Variants in ANO2 observed in about 807,000 individuals in gnomAD.
ANO2 encodes the protein anoctamin 2.
In ANO2, 101 loss-of-function variants were observed where a neutral mutation model predicts 124.2. The ratio of observed to expected loss-of-function variants is 0.81; its 90% CI spans 0.69 to 0.96. ANO2 has a LOEUF of 0.96. Among genes scored for constraint, ANO2 ranks in the 40% least tolerant of loss-of-function variants. ANO2 has a pLI of 0.00. For missense variants in ANO2, 1,293 were observed against 1,274.5 expected (o/e 1.01, Z -0.22); for synonymous variants, 486 against 482.5 (o/e 1.01, Z -0.09).
At chr12:5,885,985 A>G (rs1938867724) in intron 3 of ANO2, among the ~76,000 whole-genome samples, 2 of 152,344 alleles carry the variant, frequency 1.3e-5, no homozygotes, top group Middle Eastern at 6.8e-3. Context: ...CCTACTGCCA[A>G]TGATGCCCAG....
rs60128304 is a variant in ANO2, at chr12:5,635,599, TCA to T, written c.1621-254_1621-253del. Among the ~76,000 whole-genome samples, 695 of 146,846 alleles carry T rather than the reference TCA, an allele frequency of 4.7e-3. 3 individuals are homozygous for T. Among genetic ancestry groups the T allele is most frequent in the African/African-American group, 0.015 (608 of 39,560 alleles). On this transcript the variant is annotated intron_variant, in intron 15 of 24. Transcript: ENST00000682330. The surrounding 1 kb of genome is among the most constrained non-coding windows in gnomAD (Gnocchi z 5.2). ...TTTTTGTCAGATTCCAAATGATTTA[TCA>T]CACACACACACACACACACACACAC...
At chr12:5,606,134 G>T (rs1053673780) in intron 19 of ANO2, among the ~76,000 whole-genome samples, 2 of 152,160 alleles carry the variant, frequency 1.3e-5, no homozygotes, top group Admixed American at 6.5e-5. Flanking sequence ...GCAATGATGG[G>T]GGCGGCTGCT....
chr12:5,757,375 T>C (rs1300269322), intron 10 of ANO2, among the ~76,000 whole-genome samples: 3 of 152,238 alleles, frequency 2.0e-5, no homozygotes, highest in Non-Finnish European at 4.4e-5. Context: ...ATAAAGTTTG[T>C]AAATTACCAG....
chr12:5,688,089 CA>C (rs1455004818), intron 14 of ANO2, among the ~76,000 whole-genome samples: 1 of 152,192 alleles, frequency 6.6e-6, no homozygotes, highest in Non-Finnish European at 1.5e-5. Context: ...GTTCCTAGTT[CA>C]GTCTTTAAGA....
chr12:5,618,332 T>C (rs1944940585), intron 16 of ANO2, among the ~76,000 whole-genome samples: 1 of 152,122 alleles, frequency 6.6e-6, no homozygotes. Context: ...ACCTCCAGCG[T>C]GGGCCAATGG....
intron 14 of ANO2, among the ~76,000 whole-genome samples, chr12:5,650,674 T>C (rs1946874832): frequency 6.6e-6 from 1 of 152,230 alleles, no homozygotes; most frequent in South Asian, 2.1e-4. Context: ...TTAATTTAAA[T>C]ATACTCTGCT....
chr12:5,844,713 A>G (rs1954624858), intron 4 of ANO2, among the ~76,000 whole-genome samples: 1 of 152,160 alleles, frequency 6.6e-6, no homozygotes, highest in Non-Finnish European at 1.5e-5. Context: ...CTCCCAGACC[A>G]GGATTCTTTA....
chr12:5,657,195 GAC>G (rs1468249788), intron 14 of ANO2, among the ~76,000 whole-genome samples: 1 of 152,208 alleles, frequency 6.6e-6, no homozygotes, highest in African/African-American at 2.4e-5. Flanking sequence ...TTTAGAGATT[GAC>G]TTGATGGGGG....
chr12:5,599,445 A>G, intron 20 of ANO2, 39 bp downstream of exon 20: 1 of 1,576,350 alleles, frequency 6.3e-7, no homozygotes. Flanking sequence ...CCCTTGTCTG[A>G]ACCTGCCCCC....
chr12:5,867,566 C>T (rs1955459651), intron 3 of ANO2, among the ~76,000 whole-genome samples: 1 of 152,166 alleles, frequency 6.6e-6, no homozygotes, highest in Admixed American at 6.5e-5. Flanking sequence ...CTGCCCCGCA[C>T]ATCTGTCCGA....
chr12:5,650,351 C>T (rs1421898573), intron 14 of ANO2, among the ~76,000 whole-genome samples: 2 of 152,208 alleles, frequency 1.3e-5, no homozygotes, highest in Non-Finnish European at 1.5e-5. Context: ...AAAAAATGCT[C>T]ATTTTGATAT....
chr12:5,730,125 T>C lies in ANO2; in HGVS notation c.1545+2395A>G, dbSNP rs141832297. Among the ~76,000 whole-genome samples, 756 of 152,182 alleles carry C rather than the reference T, an allele frequency of 5.0e-3. 7 individuals carry two copies. The highest frequency in any genetic ancestry group is 0.016 in the African/African-American group (670 of 41,514). On this transcript the variant is annotated intron_variant, in intron 14 of 24. Transcript: ENST00000682330. ...ATATATGCATATTGAATTGTGCATA[T>C]ATAAAAATATGCATATTGAATTGTG... is the stretch of plus-strand genomic sequence containing the variant.
At chr12:5,603,030 G>A (rs554290475) in intron 19 of ANO2, among the ~76,000 whole-genome samples, 1 of 152,282 alleles carries the variant, frequency 6.6e-6, no homozygotes, top group East Asian at 1.9e-4. Flanking sequence ...GAAGCTCCTG[G>A]AGGATGAATT....
At chr12:5,669,061 T>C (rs1312558270) in intron 14 of ANO2, among the ~76,000 whole-genome samples, 2 of 151,574 alleles carry the variant, frequency 1.3e-5, no homozygotes, top group African/African-American at 4.8e-5. Flanking sequence ...AATTTTAAAA[T>C]CGTTTCTTCT....
intron 1 of ANO2, among the ~76,000 whole-genome samples, chr12:5,936,997 A>T (rs1018792846): frequency 9.2e-5 from 14 of 152,198 alleles, no homozygotes; most frequent in Non-Finnish European, 1.8e-4. Flanking sequence ...TATCTTGACC[A>T]CTGTGAATAA....
chr12:5,846,981 G>A (rs150067201), intron 4 of ANO2, among the ~76,000 whole-genome samples: 65 of 152,300 alleles, frequency 4.3e-4, no homozygotes, highest in Middle Eastern at 3.4e-3. Context: ...TACAAGCCTT[G>A]TGATGGTTCA....
intron 3 of ANO2, among the ~76,000 whole-genome samples, chr12:5,855,020 A>G (rs1447853460): frequency 6.6e-6 from 1 of 151,934 alleles, no homozygotes; most frequent in Non-Finnish European, 1.5e-5. Flanking sequence ...CTAAAGAACT[A>G]AAGAGGACCA....
chr12:5,620,985 G>T (rs1649975708), intron 16 of ANO2, among the ~76,000 whole-genome samples: 1 of 152,004 alleles, frequency 6.6e-6, no homozygotes, highest in Non-Finnish European at 1.5e-5. Flanking sequence ...GTCCTCACCA[G>T]CCTGAACGTG....
At chr12:5,599,429 A>G (rs1404486860) in intron 20 of ANO2, 55 bp downstream of exon 20, 1 of 1,549,832 alleles carries the variant, frequency 6.5e-7, no homozygotes, top group African/African-American at 1.4e-5. Context: ...CTTCAACCCC[A>G]CAGACCCCTT....
Sources: allele counts gnomAD v4.1 joint callset (sites outside exome capture counted in the v4.1 genomes callset), GRCh38; gene constraint gnomAD v4.1.1; non-coding constraint Gnocchi (gnomAD v3.1); transcripts MANE v1.5; gene names NCBI Gene and HGNC (gene_info 2026-07-23, HGNC 2026-07-21).